The following UBXN4 variants were observed in gnomAD, a reference collection of about 807,000 sequenced individuals.
UBXN4 encodes UBX domain protein 4.
UBXN4 carries 35 observed loss-of-function variants against 66.2 expected under a neutral mutation model. The ratio of observed to expected loss-of-function variants is 0.53; its 90% CI spans 0.40 to 0.70. The LOEUF is 0.70. UBXN4 is among the 30% of genes least tolerant of loss of function. The pLI, the probability that UBXN4 is intolerant of heterozygous loss-of-function variation, is 0.00. For missense variants in UBXN4, 533 were observed against 599.8 expected, an observed-to-expected ratio of 0.89 and a Z score of 1.16; for synonymous variants, 203 against 204.5, an observed-to-expected ratio of 0.99 and a Z score of 0.06.
chr2:135,758,148 C>T (rs533122660), intron 5 of UBXN4, among the ~76,000 whole-genome samples: 8 of 151,196 alleles, frequency 5.3e-5, no homozygotes, highest in Non-Finnish European at 1.2e-4. Flanking sequence ...AATCTTGGCT[C>T]ACCACAACCT....
intron 1 of UBXN4, among the ~76,000 whole-genome samples, chr2:135,743,576 T>G (rs188966086): frequency 6.6e-6 from 1 of 152,322 alleles, no homozygotes; most frequent in East Asian, 1.9e-4. Flanking sequence ...AACAGTCAAA[T>G]TTTTTAGTAG....
chr2:135,774,712 G>T (rs1350333564), intron 9 of UBXN4, among the ~76,000 whole-genome samples: 5 of 152,096 alleles, frequency 3.3e-5, no homozygotes, highest in Admixed American at 2.6e-4. Flanking sequence ...AGGCATGGTG[G>T]TGCACACCAG....
Position 135,783,014 on chromosome 2 carries a change from C to A in UBXN4, c.*127C>A. On this transcript the variant is annotated 3_prime_UTR_variant, in exon 13 of 13. Transcript: ENST00000272638. ...TCTATAAAATGTCTCTTTATTCCTG[C>A]TTAGTGGGTGTGGGTTGAAGGTGTT... 1 of 1,006,124 alleles carries A rather than the reference C, an allele frequency of 9.9e-7. No individual in the cohort carries two copies. Among genetic ancestry groups the A allele is most frequent in the Non-Finnish European group, 1.4e-6 (1 of 697,546 alleles). The allele number at this position is 1,006,124 out of a possible 1,614,324, so 62.3% of individuals were successfully genotyped here. A position where few individuals can be genotyped will look rare whatever the true frequency, so the allele number is the denominator to read the frequency against.
At chr2:135,779,911 AAT>A (rs1050849578) in intron 11 of UBXN4, among the ~76,000 whole-genome samples, 22 of 146,972 alleles carry the variant, frequency 1.5e-4, no homozygotes, top group African/African-American at 5.2e-4. Flanking sequence ...TAATATATAT[AAT>A]ATATAAAATA....
intron 5 of UBXN4, among the ~76,000 whole-genome samples, chr2:135,757,090 G>A (rs2077282675): frequency 6.6e-6 from 1 of 152,162 alleles, no homozygotes; most frequent in Non-Finnish European, 1.5e-5. Flanking sequence ...CTGTAAATGT[G>A]TGACTTTCAC....
At chr2:135,769,165 C>T (rs892730249) in intron 6 of UBXN4, among the ~76,000 whole-genome samples, 6 of 152,102 alleles carry the variant, frequency 3.9e-5, no homozygotes, top group Non-Finnish European at 7.3e-5. Flanking sequence ...CCATGCCTGG[C>T]TAATTTTTGT....
chr2:135,748,489 G>C, intron 2 of UBXN4, 120 bp downstream of exon 2: 1 of 648,298 alleles, frequency 1.5e-6, no homozygotes, highest in Non-Finnish European at 2.3e-6. Flanking sequence ...CAGCACTTTG[G>C]GAGACTGAGG....
chr2:135,764,664 G>T (rs568346869), intron 6 of UBXN4, among the ~76,000 whole-genome samples: 1 of 151,880 alleles, frequency 6.6e-6, no homozygotes, highest in Non-Finnish European at 1.5e-5. Flanking sequence ...CACCACACCC[G>T]GCTAATTTTT....
intron 2 of UBXN4, 77 bp downstream of exon 2, chr2:135,748,446 C>G (rs2077222908): frequency 1.8e-6 from 2 of 1,113,884 alleles, no homozygotes; most frequent in African/African-American, 3.2e-5. Context: ...TACTCTTGGA[C>G]TAGAAGAATG....
chr2:135,761,053 T>C (rs982791603), intron 5 of UBXN4, among the ~76,000 whole-genome samples: 1 of 152,220 alleles, frequency 6.6e-6, no homozygotes, highest in African/African-American at 2.4e-5. Context: ...AACAACCGTG[T>C]GAGGTTACTA....
chr2:135,754,169 G>T lies in UBXN4; in HGVS notation c.225G>T (p.Val75=), dbSNP rs1448827796. ...CLQFSQIYPV[V]CVPSSFFIGD... ...CATTAAACTGTACAGATCCTGTAGT[G>T]TGTGTTCCATCCAGTTTCTTTATTG... The change falls in exon 4 of 13, where the codon GTG becomes GTT. Residue 75 remains valine (V), a synonymous_variant. Transcript: ENST00000272638. The T allele has an allele frequency of 6.2e-6, 10 of 1,612,582 alleles. No homozygotes were observed. The East Asian group carries it at 2.2e-4, about 36-fold the overall frequency.
chr2:135,748,326 G>C lies in UBXN4; in HGVS notation c.142G>C (p.Ala48Pro). Residue 48 changes from alanine to proline, a missense_variant, in exon 2 of 13, where the codon GCA (alanine) becomes CCA (proline). Transcript: ENST00000272638. ...TTGGGAAGATGATAAAGTTACAGAA[G>C]CATCTTCAAACAGTTTTGTTGCTAT... ...ASWEDDKVTEASSNSFVAIKI... is the reference protein window; with the variant it reads ...ASWEDDKVTEPSSNSFVAIKI... The C allele has an allele frequency of 6.2e-7, 1 of 1,606,994 alleles. No homozygotes were observed.
In UBXN4 at chr2:135,752,015, A is replaced by T. The variant is rs2077245166; in HGVS notation, c.186-1524A>T. 2.0e-5 allele frequency among the ~76,000 whole-genome samples: 3 copies of T among 150,792 alleles called. 1 individual carries two copies. The South Asian group carries it at 6.3e-4, about 32-fold the overall frequency. On this transcript the variant is annotated intron_variant, in intron 2 of 12. Coordinates refer to ENST00000272638, the MANE Select transcript of UBXN4 (RefSeq NM_014607.4). ...TCCTTCCATGTTTTACAAAAATAGT[A>T]TTAATAGCATTTTGACATACTTTTC...
rs2077464757 is a variant in UBXN4, at chr2:135,783,749, T to C, written c.*862T>C. On this transcript the variant is annotated 3_prime_UTR_variant, in exon 13 of 13. Transcript: ENST00000272638. Reference sequence around the variant, plus strand: ...TAACTGACGTTTTGTCCTCAATAATTACACAAGGACCTAGAGTACCTATAG... The same window carrying C: ...TAACTGACGTTTTGTCCTCAATAATCACACAAGGACCTAGAGTACCTATAG... The C allele has an allele frequency of 6.6e-6, 1 of 152,302 alleles. No homozygotes were observed. Among genetic ancestry groups the C allele is most frequent in the South Asian group, 2.1e-4 (1 of 4,824 alleles). The allele number at this position is 152,302 out of a possible 1,614,324, so 9.4% of individuals were successfully genotyped here.
intron 9 of UBXN4, among the ~76,000 whole-genome samples, chr2:135,774,713 T>TA (rs1443428222): frequency 2.0e-5 from 3 of 152,002 alleles, no homozygotes; most frequent in African/African-American, 7.3e-5. Flanking sequence ...GGCATGGTGG[T>TA]GCACACCAGT....
chr2:135,751,653 C>G (rs2105493546), intron 2 of UBXN4, among the ~76,000 whole-genome samples: 1 of 150,986 alleles, frequency 6.6e-6, no homozygotes, highest in East Asian at 1.9e-4. Flanking sequence ...GTTTTGGGAT[C>G]ATTTTAGTGT....
intron 4 of UBXN4, 91 bp downstream of exon 4, chr2:135,754,368 C>A: frequency 1.0e-6 from 1 of 991,368 alleles, no homozygotes; most frequent in Non-Finnish European, 1.6e-6. Context: ...GTCGCCCAGG[C>A]TGGAGTGCAG....
intron 6 of UBXN4, among the ~76,000 whole-genome samples, chr2:135,762,686 T>G (rs1379821983): frequency 6.6e-6 from 1 of 152,184 alleles, no homozygotes; most frequent in Non-Finnish European, 1.5e-5. Context: ...CTGATTGTTC[T>G]TTGTAGGGGA....
At position 135,772,478 on chromosome 2, in the gene UBXN4, A is replaced by G. The variant is rs758443920; in HGVS notation, c.881A>G (p.Lys294Arg). 4 of 1,614,158 alleles carry G rather than the reference A, an allele frequency of 2.5e-6. No individual in the cohort carries two copies. The highest frequency in any genetic ancestry group is 2.2e-5 in the South Asian group (2 of 91,092). The stretch of plus-strand genomic sequence containing the variant: ...ACAAAGGAAGAAGTAGAGGCTGCCA[A>G]AGCTGCTGCCTTGCTAGCAAAACAG... ...AKTKEEVEAA[K>R]AAALLAKQAE... The change falls in exon 9 of 13, where the codon AAA becomes AGA. Residue 294 changes from lysine to arginine, a missense_variant. Physicochemically the swap from Lys to Arg is conservative, Grantham distance 26. Around this residue, in one of 2 missense-constraint regions of UBXN4, gnomAD observed 529 missense variants for 580.1 expected, o/e 0.91. Transcript: ENST00000272638.
Sources: gnomAD v4.1 joint callset for allele counts (sites outside exome capture counted in the v4.1 genomes callset) on GRCh38, gnomAD v4.1.1 for gene constraint, gnomAD v4.1.1 regional missense constraint, MANE v1.5 for transcripts, NCBI Gene and HGNC (gene_info 2026-07-23, HGNC 2026-07-21) for gene names.